The following SYT16 variants were observed in gnomAD, a reference collection of about 807,000 sequenced individuals.
The protein encoded by SYT16 is synaptotagmin-16.
Under a neutral mutation model 61.4 loss-of-function variants are expected in SYT16, and 42 were observed. That is an observed-to-expected ratio of 0.68 (90% CI 0.53 to 0.89). The LOEUF is 0.89. SYT16 is among the 40% of genes least tolerant of loss of function. The probability of loss-of-function intolerance (pLI) is 0.00; values close to 1 mark genes in which losing one functional copy is unlikely to be tolerated. For synonymous variants in SYT16, 314 were observed against 302.3 expected (o/e 1.04, Z -0.40); for missense variants, 804 against 807.3 (o/e 1.00, Z 0.05).
At chr14:62,089,287 C>G (rs1361588135) in intron 7 of SYT16, among the ~76,000 whole-genome samples, 3 of 150,296 alleles carry the variant, frequency 2.0e-5, no homozygotes, top group African/African-American at 7.4e-5. Flanking sequence ...CTACTGCACT[C>G]CAGCCTGGGC....
At chr14:62,001,004 G>A (rs749568245) in intron 3 of SYT16, among the ~76,000 whole-genome samples, 1 of 152,060 alleles carries the variant, frequency 6.6e-6, no homozygotes, top group Non-Finnish European at 1.5e-5. Flanking sequence ...TAAGGCTGCA[G>A]TGAACTGTGA....
At chr14:61,849,870 G>A (rs2046558807) in intron 1 of SYT16, among the ~76,000 whole-genome samples, 1 of 152,168 alleles carries the variant, frequency 6.6e-6, no homozygotes, top group Non-Finnish European at 1.5e-5. Context: ...AGGATGGTTG[G>A]TGGAGGCTTC....
intron 1 of SYT16, among the ~76,000 whole-genome samples, chr14:61,830,762 C>T (rs1338964294): frequency 6.6e-6 from 1 of 152,056 alleles, no homozygotes; most frequent in African/African-American, 2.4e-5. Context: ...GTCGCTATGC[C>T]ATTGAAGAAG....
intron 5 of SYT16, chr14:62,079,276 A>T: frequency 1.2e-6 from 1 of 866,744 alleles, no homozygotes; most frequent in Non-Finnish European, 1.5e-6. Context: ...GCATGATTGC[A>T]TGCTCACAGG....
At chr14:61,949,442 T>C (rs2050579602) in intron 1 of SYT16, among the ~76,000 whole-genome samples, 1 of 152,224 alleles carries the variant, frequency 6.6e-6, no homozygotes, top group Non-Finnish European at 1.5e-5. Flanking sequence ...TATTTTTTTC[T>C]TTTCTTTTCC....
chr14:61,822,260 A>G (rs556934229), intron 1 of SYT16, among the ~76,000 whole-genome samples: 31 of 152,304 alleles, frequency 2.0e-4, no homozygotes, highest in African/African-American at 7.5e-4. Flanking sequence ...CAGGAGGAGA[A>G]AGTCCTGCTC....
chr14:61,853,917 T>C (rs2046693227), intron 1 of SYT16, among the ~76,000 whole-genome samples: 1 of 152,220 alleles, frequency 6.6e-6, no homozygotes, highest in Admixed American at 6.5e-5. Context: ...ATTTGAACTT[T>C]TGATCTAATG....
chr14:61,926,385 C>T (rs979525206), intron 1 of SYT16, among the ~76,000 whole-genome samples: 8 of 152,172 alleles, frequency 5.3e-5, no homozygotes, highest in East Asian at 3.9e-4. Context: ...TTCTCTGCAA[C>T]ACCCTTAGCT....
At chr14:61,938,729 A>C (rs1042719996) in intron 1 of SYT16, among the ~76,000 whole-genome samples, 2 of 152,228 alleles carry the variant, frequency 1.3e-5, no homozygotes, top group African/African-American at 4.8e-5. Context: ...TGGTTAAAAA[A>C]CAGGTGAAGA....
At position 62,110,752 on chromosome 14, in the gene SYT16, C is replaced by T. The variant is rs1277747795; in HGVS notation, c.*10045C>T. On this transcript the variant is annotated 3_prime_UTR_variant, in exon 8 of 8. Transcript: ENST00000683842. The stretch of plus-strand genomic sequence containing the variant: ...CGCCAACCTTTGAGTTGAATGCAGA[C>T]CTTTCTTTAGAACAACCTAACTTTG... 6.6e-6 allele frequency: 1 copy of T among 152,012 alleles called. No homozygotes were observed. Among genetic ancestry groups the T allele is most frequent in the East Asian group, 1.9e-4 (1 of 5,198 alleles). 9.4% of individuals were successfully genotyped at this position (152,012 alleles called of 1,614,324 possible).
chr14:61,830,087 T>C (rs1243946047), intron 1 of SYT16, among the ~76,000 whole-genome samples: 1 of 152,244 alleles, frequency 6.6e-6, no homozygotes, highest in African/African-American at 2.4e-5. Context: ...TTTTATTCTT[T>C]ATATCTTGAG....
intron 2 of SYT16, among the ~76,000 whole-genome samples, chr14:61,994,279 A>C (rs1416286112): frequency 6.6e-6 from 1 of 152,172 alleles, no homozygotes; most frequent in East Asian, 1.9e-4. Context: ...TTGAGATTTT[A>C]GTGAGACATC....
At chr14:62,081,790 A>C (rs939498160) in intron 6 of SYT16, among the ~76,000 whole-genome samples, 1 of 152,102 alleles carries the variant, frequency 6.6e-6, no homozygotes, top group African/African-American at 2.4e-5. Flanking sequence ...CATAATTTAC[A>C]TGCCTACAGG....
chr14:61,937,774 A>C (rs941921223), intron 1 of SYT16, among the ~76,000 whole-genome samples: 6 of 152,186 alleles, frequency 3.9e-5, no homozygotes, highest in African/African-American at 1.4e-4. Context: ...TAGAGGAAAG[A>C]GGAAGGATGG....
At chr14:61,943,533 C>T (rs1177865637) in intron 1 of SYT16, among the ~76,000 whole-genome samples, 2 of 152,154 alleles carry the variant, frequency 1.3e-5, no homozygotes, top group African/African-American at 2.4e-5. Context: ...GCGTATCCAC[C>T]ACGATCAAGT....
intron 3 of SYT16, among the ~76,000 whole-genome samples, chr14:62,020,720 G>A (rs7148536): frequency 0.46 from 69,522 of 152,040 alleles, 16,360 homozygotes; most frequent in East Asian, 0.66. Context: ...CCTGGTGGGC[G>A]TCAGGAGCCT....
Position 61,840,288 on chromosome 14 carries a change from C to A in SYT16, c.-325+27478C>A, listed in dbSNP as rs190065812. Among the ~76,000 whole-genome samples the A allele has an allele frequency of 1.1e-4, 16 of 152,232 alleles. No homozygotes were observed. The East Asian group carries it at 2.3e-3, about 22-fold the overall frequency. ...GAGGCAAGGTGCGCTATTGGAAATA[C>A]GAGTCTAGAGCTTGGGAGAGAAGTT... On this transcript the variant is annotated intron_variant, in intron 1 of 7. Coordinates refer to ENST00000683842, the MANE Select transcript of SYT16 (RefSeq NM_001367656.1).
intron 3 of SYT16, among the ~76,000 whole-genome samples, chr14:62,025,723 T>A (rs1215044756): frequency 6.6e-6 from 1 of 152,118 alleles, no homozygotes; most frequent in South Asian, 2.1e-4. Context: ...TTCTAAGTGT[T>A]TCATTTTGGG....
chr14:61,950,529 G>A (rs1026188730), intron 1 of SYT16, among the ~76,000 whole-genome samples: 1 of 152,232 alleles, frequency 6.6e-6, no homozygotes, highest in Non-Finnish European at 1.5e-5. Context: ...TACAGATGAT[G>A]TGCAGCAGAG....
Sources: gnomAD v4.1 joint callset for allele counts (sites outside exome capture counted in the v4.1 genomes callset) on GRCh38, gnomAD v4.1.1 for gene constraint, MANE v1.5 for transcripts, NCBI Gene and HGNC (gene_info 2026-07-23, HGNC 2026-07-21) for gene names.